Variants in NKAIN3 observed in about 807,000 individuals in gnomAD.
NKAIN3 encodes sodium/potassium transporting ATPase interacting 3, also known as sodium/potassium-transporting ATPase subunit beta-1-interacting protein 3.
In NKAIN3, 25 loss-of-function variants were observed where a neutral mutation model predicts 30.2. The observed-to-expected ratio is 0.83, with a 90% CI of 0.60 to 1.16. NKAIN3 has a LOEUF of 1.16. Among genes scored for constraint, NKAIN3 ranks in the 50% most tolerant of loss-of-function variants. NKAIN3 has a pLI of 0.00. For missense variants in NKAIN3, 225 were observed against 254.1 expected, an observed-to-expected ratio of 0.89 and a Z score of 0.78; for synonymous variants, 91 against 89.6, an observed-to-expected ratio of 1.02 and a Z score of -0.09.
At chr8:62,702,481 C>T (rs1002205750) in intron 3 of NKAIN3, among the ~76,000 whole-genome samples, 1 of 152,120 alleles carries the variant, frequency 6.6e-6, no homozygotes, top group South Asian at 2.1e-4. Flanking sequence ...TTTTTATGCA[C>T]ATATTATAGA....
At chr8:62,300,681 A>G (rs972939273) in intron 1 of NKAIN3, among the ~76,000 whole-genome samples, 4 of 152,152 alleles carry the variant, frequency 2.6e-5, no homozygotes, top group Admixed American at 2.6e-4. Flanking sequence ...ATTTGATGTC[A>G]AGTGAAAAAA....
intron 1 of NKAIN3, among the ~76,000 whole-genome samples, chr8:62,334,336 T>C (rs535254075): frequency 6.6e-6 from 1 of 152,260 alleles, no homozygotes; most frequent in South Asian, 2.1e-4. Flanking sequence ...TGGTTGTCAG[T>C]AATCCTTGGC....
At chr8:62,700,453 G>A (rs1392247124) in intron 3 of NKAIN3, among the ~76,000 whole-genome samples, 1 of 152,156 alleles carries the variant, frequency 6.6e-6, no homozygotes, top group Non-Finnish European at 1.5e-5. Flanking sequence ...AATTGCCTCA[G>A]GATAATTTCA....
chr8:62,308,690 A>T (rs1448279354), intron 1 of NKAIN3, among the ~76,000 whole-genome samples: 1 of 150,550 alleles, frequency 6.6e-6, no homozygotes, highest in Admixed American at 6.6e-5. Context: ...CAACAATGGG[A>T]TGCAAGAGTC....
At chr8:62,598,036 C>T (rs971619401) in intron 3 of NKAIN3, among the ~76,000 whole-genome samples, 8 of 152,084 alleles carry the variant, frequency 5.3e-5, no homozygotes, top group Admixed American at 1.3e-4. Context: ...CTAGTCATCA[C>T]GGATTGTGTT....
chr8:62,433,155 T>G (rs186775997), intron 1 of NKAIN3, among the ~76,000 whole-genome samples: 3 of 152,290 alleles, frequency 2.0e-5, no homozygotes, highest in African/African-American at 7.2e-5. Flanking sequence ...TGTAATAATT[T>G]CAGTTCAATG....
chr8:62,691,821 A>T (rs1005372523), intron 3 of NKAIN3, among the ~76,000 whole-genome samples: 6 of 152,188 alleles, frequency 3.9e-5, no homozygotes, highest in African/African-American at 7.2e-5. Flanking sequence ...TGGCTGCAAA[A>T]CAAGCCACAT....
intron 1 of NKAIN3, among the ~76,000 whole-genome samples, chr8:62,297,329 A>G (rs1813867455): frequency 6.6e-6 from 1 of 152,136 alleles, no homozygotes; most frequent in African/African-American, 2.4e-5. Flanking sequence ...AATGGGATCT[A>G]ATTAAACTAA....
At chr8:62,413,000 T>C (rs1337588375) in intron 1 of NKAIN3, among the ~76,000 whole-genome samples, 5 of 150,588 alleles carry the variant, frequency 3.3e-5, no homozygotes, top group Non-Finnish European at 7.4e-5. Context: ...GAACAGAAAC[T>C]TCTCTAAAGA....
chr8:62,436,366 C>T (rs1241721797), intron 1 of NKAIN3, among the ~76,000 whole-genome samples: 3 of 152,114 alleles, frequency 2.0e-5, no homozygotes, highest in Non-Finnish European at 4.4e-5. Context: ...GAAAATTATA[C>T]ATGAAGCTAT....
rs1814874969 is a variant in NKAIN3 at position 62,715,677 on chromosome 8, T to G, written c.274-31255T>G. ...CAGATACATTTGTTGTTGTCATTGT[T>G]ACGTTATTGTGACAATGTCAAGAAG... On this transcript the variant is annotated intron_variant, in intron 3 of 6. Transcript: ENST00000623646. Among the ~76,000 whole-genome samples, 3 of 152,230 alleles carry G rather than the reference T, an allele frequency of 2.0e-5. No individual in the cohort carries two copies. The South Asian group carries it at 6.2e-4, about 32-fold the overall frequency.
chr8:62,956,206 A>G (rs1258133123), intron 6 of NKAIN3, among the ~76,000 whole-genome samples: 1 of 152,214 alleles, frequency 6.6e-6, no homozygotes, highest in East Asian at 1.9e-4. Context: ...ATGATGCCAT[A>G]TCACTACCCA....
At chr8:62,439,294 C>T (rs1207503472) in intron 1 of NKAIN3, among the ~76,000 whole-genome samples, 1 of 152,118 alleles carries the variant, frequency 6.6e-6, no homozygotes, top group Non-Finnish European at 1.5e-5. Flanking sequence ...GTAAGTGCAA[C>T]TTACAGTTTA....
chr8:62,263,730 C>A (rs1205791024), intron 1 of NKAIN3, among the ~76,000 whole-genome samples: 1 of 152,004 alleles, frequency 6.6e-6, no homozygotes, highest in African/African-American at 2.4e-5. Flanking sequence ...TGTAGTAAAC[C>A]ACTGCAAATT....
intron 4 of NKAIN3, among the ~76,000 whole-genome samples, chr8:62,767,879 C>T (rs1816893993): frequency 6.6e-6 from 1 of 151,768 alleles, no homozygotes; most frequent in African/African-American, 2.4e-5. Flanking sequence ...AAATATCATA[C>T]ATAATTATTC....
At chr8:62,810,641 T>G (rs937020351) in intron 4 of NKAIN3, among the ~76,000 whole-genome samples, 1 of 150,928 alleles carries the variant, frequency 6.6e-6, no homozygotes, top group African/African-American at 2.4e-5. Context: ...GTAGAAAGTT[T>G]TTTTTTTTTT....
At chr8:62,539,424 C>A (rs549910277) in intron 1 of NKAIN3, among the ~76,000 whole-genome samples, 246 of 152,188 alleles carry the variant, frequency 1.6e-3, no homozygotes, top group African/African-American at 5.6e-3. Context: ...AGCTTTACTG[C>A]AGTGTGAAAT....
intron 1 of NKAIN3, among the ~76,000 whole-genome samples, chr8:62,339,096 C>A (rs985832871): frequency 2.0e-5 from 3 of 152,100 alleles, no homozygotes; most frequent in African/African-American, 2.4e-5. Context: ...TGTGATTAGA[C>A]CACTAGGAAG....
intron 3 of NKAIN3, among the ~76,000 whole-genome samples, chr8:62,685,922 T>G: frequency 6.6e-6 from 1 of 152,224 alleles, no homozygotes; most frequent in East Asian, 1.9e-4. Flanking sequence ...CCTCATGAAC[T>G]GACTCTATAT....
Sources: allele counts gnomAD v4.1 joint callset (sites outside exome capture counted in the v4.1 genomes callset), GRCh38; gene constraint gnomAD v4.1.1; transcripts MANE v1.5; gene names NCBI Gene and HGNC (gene_info 2026-07-23, HGNC 2026-07-21).